The following ZFHX3 variants were observed in gnomAD, a reference collection of about 807,000 sequenced individuals.
The protein encoded by ZFHX3 is zinc finger homeobox 3, also known as zinc finger homeobox protein 3.
A neutral mutation model predicts 279.1 loss-of-function variants in ZFHX3; 42 were observed. The ratio of observed to expected loss-of-function variants is 0.15; its 90% CI spans 0.12 to 0.19. The LOEUF (loss-of-function observed/expected upper bound fraction) is 0.19, where lower values mean the gene tolerates loss of function less well. Among genes scored for constraint, ZFHX3 ranks in the 10% least tolerant of loss-of-function variants. The probability of loss-of-function intolerance (pLI) is 1.00; values close to 1 mark genes in which losing one functional copy is unlikely to be tolerated. For synonymous variants in ZFHX3, 2,293 were observed against 1,957.8 expected, an observed-to-expected ratio of 1.17 and a Z score of -4.52; for missense variants, 4,981 against 4,754.0, an observed-to-expected ratio of 1.05 and a Z score of -1.40.
At chr16:73,559,835 GATTA>G (rs1415325250) in intron 2 of ZFHX3, among the ~76,000 whole-genome samples, 1 of 152,158 alleles carries the variant, frequency 6.6e-6, no homozygotes, top group Non-Finnish European at 1.5e-5. Context: ...ATCTGGACCT[GATTA>G]ATTAACTAGC....
intron 3 of ZFHX3, among the ~76,000 whole-genome samples, chr16:72,927,682 G>A (rs1959530971): frequency 6.6e-6 from 1 of 152,024 alleles, no homozygotes. Flanking sequence ...CCCCTCCGGA[G>A]CCGCCCGGGG....
intron 5 of ZFHX3, among the ~76,000 whole-genome samples, chr16:73,157,731 A>G (rs28451816): frequency 0.028 from 4,325 of 152,012 alleles, 197 homozygotes; most frequent in African/African-American, 0.099. Context: ...TGGCCAAATG[A>G]CCCCAGTCAT....
At chr16:73,045,748 G>C (rs930218244) in intron 1 of ZFHX3, among the ~76,000 whole-genome samples, 1 of 123,108 alleles carries the variant, frequency 8.1e-6, no homozygotes, top group East Asian at 2.7e-4. Flanking sequence ...AGGAGAAATG[G>C]AAAACAGTAG....
At chr16:72,894,489 C>G (rs1428961369) in intron 3 of ZFHX3, among the ~76,000 whole-genome samples, 1 of 152,280 alleles carries the variant, frequency 6.6e-6, no homozygotes, top group Admixed American at 6.5e-5. Flanking sequence ...TCCCCAGAAT[C>G]CCACCCTTGG....
intron 2 of ZFHX3, among the ~76,000 whole-genome samples, chr16:73,639,437 G>A (rs978883355): frequency 6.6e-6 from 1 of 152,158 alleles, no homozygotes; most frequent in South Asian, 2.1e-4. Flanking sequence ...AGCCCCATAA[G>A]GTTCAATAGT....
chr16:73,830,952 G>A (rs1197828211), intron 1 of ZFHX3, among the ~76,000 whole-genome samples: 1 of 152,178 alleles, frequency 6.6e-6, no homozygotes, highest in African/African-American at 2.4e-5. Context: ...CAATTGCACA[G>A]AAGAAATGGA....
intron 5 of ZFHX3, among the ~76,000 whole-genome samples, chr16:73,225,768 T>C (rs1407179835): frequency 1.3e-5 from 2 of 152,074 alleles, no homozygotes; most frequent in Non-Finnish European, 2.9e-5. Flanking sequence ...GGCTGAATAG[T>C]GGCCCATATG....
At chr16:73,436,846 C>T (rs2018008508) in intron 3 of ZFHX3, among the ~76,000 whole-genome samples, 1 of 152,150 alleles carries the variant, frequency 6.6e-6, no homozygotes, top group Non-Finnish European at 1.5e-5. Flanking sequence ...CAAAGTGATC[C>T]CGTCTTCTCC....
At chr16:73,394,031 T>C (rs2017075969) in intron 3 of ZFHX3, among the ~76,000 whole-genome samples, 1 of 149,138 alleles carries the variant, frequency 6.7e-6, no homozygotes, top group South Asian at 2.1e-4. Context: ...CTAAAAACTG[T>C]GTATATAAGT....
intron 1 of ZFHX3, among the ~76,000 whole-genome samples, chr16:73,782,772 G>C (rs969461143): frequency 3.3e-5 from 5 of 152,206 alleles, no homozygotes; most frequent in Non-Finnish European, 7.3e-5. Context: ...TATGCTGCAA[G>C]ATGACAGACC....
chr16:72,818,006 T>C (rs1003946197), intron 5 of ZFHX3, among the ~76,000 whole-genome samples: 2 of 152,226 alleles, frequency 1.3e-5, no homozygotes, highest in Non-Finnish European at 2.9e-5. Context: ...TCTCATCGCC[T>C]TACATTCCGT....
intron 6 of ZFHX3, among the ~76,000 whole-genome samples, chr16:73,137,867 A>AT (rs923691666): frequency 1.7e-4 from 26 of 151,458 alleles, no homozygotes; most frequent in East Asian, 5.8e-4. Context: ...GCTACTCAAA[A>AT]TTTTTTTTGT....
intron 3 of ZFHX3, among the ~76,000 whole-genome samples, chr16:72,906,254 G>A (rs1484062892): frequency 6.6e-6 from 1 of 151,936 alleles, no homozygotes; most frequent in Non-Finnish European, 1.5e-5. Context: ...AATACAGGGA[G>A]AATTTTCACC....
In ZFHX3 at chr16:73,656,977, T is replaced by G. The variant is rs2052727768; in HGVS notation, c.-1547+23203A>C. Among the ~76,000 whole-genome samples the G allele has an allele frequency of 2.0e-5, 3 of 152,242 alleles. No homozygotes were observed. In the South Asian group the frequency reaches 6.2e-4, roughly 31 times the overall value. ...CCAGTGTGTATAACATATTAGCTAG[T>G]GTTAACACAGAAATTCCACTCTTGC... On this transcript the variant is annotated intron_variant, in intron 2 of 17. Coordinates refer to the ZFHX3 transcript ENST00000641206.
intron 8 of ZFHX3, among the ~76,000 whole-genome samples, chr16:73,086,494 G>A (rs547925743): frequency 1.1e-4 from 17 of 152,172 alleles, no homozygotes; most frequent in Non-Finnish European, 4.4e-5. Flanking sequence ...TAAAGAAAAT[G>A]TGGTATATAT....
chr16:73,843,779 G>T (rs1449732997), intron 1 of ZFHX3, among the ~76,000 whole-genome samples: 1 of 152,088 alleles, frequency 6.6e-6, no homozygotes, highest in East Asian at 1.9e-4. Context: ...AAAATTTTAG[G>T]CTTTCTGGAC....
chr16:73,016,886 G>C (rs1364563837), intron 1 of ZFHX3, among the ~76,000 whole-genome samples: 1 of 151,808 alleles, frequency 6.6e-6, no homozygotes, highest in East Asian at 1.9e-4. Flanking sequence ...TATCCCAAGA[G>C]AGTTTGCTGA....
chr16:72,982,285 CA>C, intron 1 of ZFHX3, among the ~76,000 whole-genome samples: 1 of 152,272 alleles, frequency 6.6e-6, no homozygotes, highest in South Asian at 2.1e-4. Context: ...ATAATTCATT[CA>C]AACATCTGAG....
At chr16:73,682,931 AAAG>A (rs1385619545) in intron 1 of ZFHX3, among the ~76,000 whole-genome samples, 1 of 18,036 alleles carries the variant, frequency 5.5e-5, no homozygotes, top group African/African-American at 1.4e-4. Context: ...AAAGAGAAAG[AAAG>A]AAAGAAAGAA....
Sources: gnomAD v4.1 joint callset for allele counts (sites outside exome capture counted in the v4.1 genomes callset) on GRCh38, gnomAD v4.1.1 for gene constraint, MANE v1.5 for transcripts, NCBI Gene and HGNC (gene_info 2026-07-23, HGNC 2026-07-21) for gene names.